LRFN2: variants seen among roughly 807,000 people sequenced by gnomAD.
LRFN2 encodes the protein leucine-rich repeat and fibronectin type-III domain-containing protein 2.
Under a neutral mutation model 37.3 loss-of-function variants are expected in LRFN2, and 18 were observed. That is an observed-to-expected ratio of 0.48 (90% CI 0.33 to 0.72). LRFN2 has a LOEUF of 0.72. Among genes scored for constraint, LRFN2 ranks in the 30% least tolerant of loss-of-function variants. The probability of loss-of-function intolerance (pLI) is 0.02; values close to 1 mark genes in which losing one functional copy is unlikely to be tolerated. For missense variants in LRFN2, 1,006 were observed against 1,060.7 expected (o/e 0.95, Z 0.72); for synonymous variants, 556 against 466.6 (o/e 1.19, Z -2.47).
chr6:40,407,299 T>A (rs766297982), intron 2 of LRFN2, among the ~76,000 whole-genome samples: 4 of 152,234 alleles, frequency 2.6e-5, no homozygotes, highest in African/African-American at 7.2e-5. Flanking sequence ...GGTTGGCATA[T>A]CTTAGAGGAA....
At chr6:40,553,705 A>T (rs1766819509) in intron 1 of LRFN2, among the ~76,000 whole-genome samples, 1 of 152,262 alleles carries the variant, frequency 6.6e-6, no homozygotes, top group South Asian at 2.1e-4. Flanking sequence ...AATTCGCCTC[A>T]GATTTAATTA....
intron 2 of LRFN2, among the ~76,000 whole-genome samples, chr6:40,409,026 A>C (rs1457791784): frequency 6.6e-6 from 1 of 152,196 alleles, no homozygotes; most frequent in Non-Finnish European, 1.5e-5. Flanking sequence ...CGGTAGCCAC[A>C]AGCCCTCATG....
chr6:40,501,964 A>G (rs1295467242), intron 1 of LRFN2, among the ~76,000 whole-genome samples: 1 of 152,136 alleles, frequency 6.6e-6, no homozygotes, highest in Non-Finnish European at 1.5e-5. Context: ...TCCTGACTCC[A>G]CACACCCTGT....
intron 1 of LRFN2, among the ~76,000 whole-genome samples, chr6:40,538,654 G>A (rs1203049283): frequency 6.6e-6 from 1 of 152,132 alleles, no homozygotes; most frequent in African/African-American, 2.4e-5. Context: ...GCACCTCCCC[G>A]GGGCTATCCC....
intron 1 of LRFN2, among the ~76,000 whole-genome samples, chr6:40,586,349 C>A (rs1244765846): frequency 6.6e-6 from 1 of 152,184 alleles, no homozygotes; most frequent in African/African-American, 2.4e-5. Context: ...AAGCTGCACA[C>A]ACACACAATC....
intron 1 of LRFN2, among the ~76,000 whole-genome samples, chr6:40,523,032 G>A (rs778508708): frequency 5.9e-5 from 9 of 152,214 alleles, no homozygotes; most frequent in Non-Finnish European, 1.3e-4. Flanking sequence ...TAGGGAGACT[G>A]AGTGTGCAAA....
At chr6:40,416,169 C>T (rs1238289196) in intron 2 of LRFN2, among the ~76,000 whole-genome samples, 1 of 152,210 alleles carries the variant, frequency 6.6e-6, no homozygotes, top group Admixed American at 6.5e-5. Flanking sequence ...CCAGCACGCC[C>T]TGCTAATTTT....
At chr6:40,502,793 G>A (rs1765420697) in intron 1 of LRFN2, among the ~76,000 whole-genome samples, 1 of 152,232 alleles carries the variant, frequency 6.6e-6, no homozygotes, top group African/African-American at 2.4e-5. Context: ...GACAGACATG[G>A]CACCTGCCCC....
chr6:40,533,846 C>T (rs1178195636), intron 1 of LRFN2, among the ~76,000 whole-genome samples: 2 of 152,186 alleles, frequency 1.3e-5, no homozygotes, highest in Non-Finnish European at 2.9e-5. Flanking sequence ...CCTGTGGCCA[C>T]ACTGCAAGGT....
At chr6:40,424,330 C>T (rs1763296700) in intron 2 of LRFN2, among the ~76,000 whole-genome samples, 1 of 152,204 alleles carries the variant, frequency 6.6e-6, no homozygotes, top group African/African-American at 2.4e-5. Flanking sequence ...GGAGAAATTA[C>T]AGCTGGTGTC....
At chr6:40,551,398 G>A (rs2113922817) in intron 1 of LRFN2, among the ~76,000 whole-genome samples, 1 of 152,282 alleles carries the variant, frequency 6.6e-6, no homozygotes, top group Non-Finnish European at 1.5e-5. Flanking sequence ...AGAATATAGA[G>A]CCAATGAGAA....
intron 1 of LRFN2, among the ~76,000 whole-genome samples, chr6:40,550,591 A>AGAAGAAG (rs1370344751): frequency 3.3e-5 from 5 of 152,212 alleles, no homozygotes; most frequent in African/African-American, 9.6e-5. Flanking sequence ...ATGCACTGCC[A>AGAAGAAG]GAAGAAGGTA....
intron 1 of LRFN2, among the ~76,000 whole-genome samples, chr6:40,504,090 T>C (rs1765463247): frequency 2.0e-5 from 3 of 151,896 alleles, no homozygotes; most frequent in Non-Finnish European, 1.5e-5. Context: ...AGGGCTGGGG[T>C]AAGGGCCTCC....
intron 1 of LRFN2, among the ~76,000 whole-genome samples, chr6:40,471,921 GC>G (rs1734901259): frequency 6.6e-6 from 1 of 152,136 alleles, no homozygotes; most frequent in African/African-American, 2.4e-5. Context: ...AGCAGCGAGG[GC>G]CTATTTATTC....
intron 1 of LRFN2, among the ~76,000 whole-genome samples, chr6:40,578,996 C>T (rs1213977114): frequency 6.6e-6 from 1 of 152,182 alleles, no homozygotes; most frequent in African/African-American, 2.4e-5. Flanking sequence ...CTGCTTTGTC[C>T]TCCTCCTTAG....
At chr6:40,574,032 C>T (rs555346886) in intron 1 of LRFN2, among the ~76,000 whole-genome samples, 7 of 152,096 alleles carry the variant, frequency 4.6e-5, no homozygotes, top group Admixed American at 2.6e-4. Context: ...TAGTCTCAGG[C>T]GAATTCGGAC....
chr6:40,519,707 A>G (rs1765994636), intron 1 of LRFN2, among the ~76,000 whole-genome samples: 1 of 152,246 alleles, frequency 6.6e-6, no homozygotes, highest in African/African-American at 2.4e-5. Flanking sequence ...CTTATTACTC[A>G]GCAAGTGCTG....
At chr6:40,529,340 A>G (rs1420042226) in intron 1 of LRFN2, among the ~76,000 whole-genome samples, 1 of 152,184 alleles carries the variant, frequency 6.6e-6, no homozygotes, top group Non-Finnish European at 1.5e-5. Flanking sequence ...TTTGGGGTTC[A>G]GGGTCAGTTT....
intron 2 of LRFN2, among the ~76,000 whole-genome samples, chr6:40,418,742 G>C (rs183835018): frequency 2.6e-5 from 4 of 152,266 alleles, no homozygotes; most frequent in Admixed American, 2.6e-4. Context: ...GTCCTCATCT[G>C]TCAAGTGGCA....
Sources: allele counts gnomAD v4.1 joint callset (sites outside exome capture counted in the v4.1 genomes callset), GRCh38; gene constraint gnomAD v4.1.1; transcripts MANE v1.5; gene names NCBI Gene and HGNC (gene_info 2026-07-23, HGNC 2026-07-21).